ANO4: variants seen among roughly 807,000 people sequenced by gnomAD.
ANO4 encodes anoctamin 4.
A neutral mutation model predicts 141.9 loss-of-function variants in ANO4; 69 were observed. The ratio of observed to expected loss-of-function variants is 0.49; its 90% CI spans 0.40 to 0.59. The LOEUF is 0.59. Ranked by LOEUF, ANO4 falls within the 20% of genes least tolerant of loss-of-function variation. The pLI, the probability that ANO4 is intolerant of heterozygous loss-of-function variation, is 0.00. For missense variants in ANO4, 894 were observed against 1,162.2 expected (o/e 0.77, Z 3.36); for synonymous variants, 350 against 394.3 (o/e 0.89, Z 1.33).
intron 10 of ANO4, among the ~76,000 whole-genome samples, chr12:101,037,371 A>G (rs1042667345): frequency 2.6e-5 from 4 of 152,194 alleles, no homozygotes; most frequent in South Asian, 2.1e-4. Flanking sequence ...ACTTAAATCA[A>G]TAGTCATGCA....
At chr12:100,767,860 TC>T (rs2033151366) in intron 3 of ANO4, among the ~76,000 whole-genome samples, 2 of 152,160 alleles carry the variant, frequency 1.3e-5, no homozygotes, top group South Asian at 4.1e-4. Context: ...CTTTACACTT[TC>T]CCCACCTCAC....
chr12:100,906,447 T>C (rs567959733), intron 2 of ANO4, among the ~76,000 whole-genome samples: 9 of 152,316 alleles, frequency 5.9e-5, no homozygotes, highest in African/African-American at 1.9e-4. Flanking sequence ...TTGTGGCACA[T>C]ATCTTAATAA....
At chr12:101,106,963 T>C (rs943940751) in intron 22 of ANO4, among the ~76,000 whole-genome samples, 1 of 151,852 alleles carries the variant, frequency 6.6e-6, no homozygotes, top group African/African-American at 2.4e-5. Context: ...CTTTGTGCTA[T>C]GTAAAAATGA....
At chr12:100,969,621 C>T (rs571505803) in intron 5 of ANO4, among the ~76,000 whole-genome samples, 11 of 152,082 alleles carry the variant, frequency 7.2e-5, no homozygotes, top group Non-Finnish European at 1.0e-4. Context: ...AACAATTTCC[C>T]GGAGTGCAAA....
Position 101,099,604 on chromosome 12 carries a change from GA to G in ANO4, c.2037del (p.Val680TyrfsTer11), listed in dbSNP as rs1259172615. On this transcript the variant is annotated frameshift_variant, in exon 22 of 28. Transcript: ENST00000392977. LOFTEE classifies it high-confidence loss of function. ...TTAATTCAGAATTGGTGGACTAGAAGAAAAGTACGACAAGAACATGGACCTG... is the reference window on the plus strand; with the variant it reads ...TTAATTCAGAATTGGTGGACTAGAAGAAAGTACGACAAGAACATGGACCTG... Reference protein sequence around the residue: ...YPLIQNWWTRRKVRQEHGPER... With the variant: ...YPLIQNWWTRXKVRQEHGPER... 1 of 1,602,910 alleles carries G rather than the reference GA, an allele frequency of 6.2e-7. No individual in the cohort carries two copies.
At chr12:100,805,033 T>C (rs1325747512) in intron 1 of ANO4, among the ~76,000 whole-genome samples, 1 of 152,254 alleles carries the variant, frequency 6.6e-6, no homozygotes, top group Non-Finnish European at 1.5e-5. Flanking sequence ...CCCATGCCTG[T>C]GTCCTGAATG....
chr12:101,053,896 T>A (rs1042653031), intron 14 of ANO4, among the ~76,000 whole-genome samples: 1 of 152,236 alleles, frequency 6.6e-6, no homozygotes, highest in Non-Finnish European at 1.5e-5. Flanking sequence ...GAAAGCCAAC[T>A]GGAGTTATAA....
At chr12:100,984,019 C>T (rs1296818551) in intron 7 of ANO4, among the ~76,000 whole-genome samples, 1 of 152,110 alleles carries the variant, frequency 6.6e-6, no homozygotes, top group Non-Finnish European at 1.5e-5. Context: ...ATGCCTTGTC[C>T]ACCTGCTTCT....
chr12:101,016,235 CA>C (rs1327350201), intron 8 of ANO4, among the ~76,000 whole-genome samples: 6 of 152,140 alleles, frequency 3.9e-5, no homozygotes, highest in Admixed American at 6.5e-5. Flanking sequence ...GGAAGCATGG[CA>C]CCAGAATCTG....
At chr12:100,951,480 A>G (rs2042967292) in intron 5 of ANO4, among the ~76,000 whole-genome samples, 1 of 152,242 alleles carries the variant, frequency 6.6e-6, no homozygotes, top group Non-Finnish European at 1.5e-5. Flanking sequence ...TAGTACTTAC[A>G]CATCATAGAA....
intron 26 of ANO4, among the ~76,000 whole-genome samples, chr12:101,122,933 G>A (rs916274950): frequency 6.6e-6 from 1 of 152,082 alleles, no homozygotes; most frequent in East Asian, 1.9e-4. Flanking sequence ...AGTAAAATCT[G>A]TCTAGCAATT....
intron 3 of ANO4, among the ~76,000 whole-genome samples, chr12:100,775,668 C>T (rs1468731257): frequency 2.6e-5 from 4 of 152,220 alleles, no homozygotes; most frequent in Middle Eastern, 3.4e-3. Flanking sequence ...AAAGTCTTAA[C>T]GTGTAGCCTG....
Position 100,842,411 on chromosome 12 carries a change from A to G in ANO4, c.-141+47384A>G, listed in dbSNP as rs576566241. Among the ~76,000 whole-genome samples the G allele has an allele frequency of 3.2e-3, 481 of 149,708 alleles. 4 individuals are homozygous for G. The highest frequency in any genetic ancestry group is 0.01 in the African/African-American group (429 of 40,860). On this transcript the variant is annotated intron_variant, in intron 1 of 27. Transcript: ENST00000392977. ...GCTGTTTGCAAGTGTGTGTATGTGT[A>G]TGTGTGTGTGTGTGTGTGCCTGTCT...
At chr12:101,080,223 G>A (rs1350347930) in intron 15 of ANO4, among the ~76,000 whole-genome samples, 1 of 152,140 alleles carries the variant, frequency 6.6e-6, no homozygotes, top group Non-Finnish European at 1.5e-5. Flanking sequence ...GTGAATTTTA[G>A]CCCTGTGGTA....
At chr12:100,919,871 C>G (rs1022722937) in intron 2 of ANO4, among the ~76,000 whole-genome samples, 1 of 151,806 alleles carries the variant, frequency 6.6e-6, no homozygotes, top group African/African-American at 2.4e-5. Context: ...TCTTTGAAGA[C>G]AGAATTTAAT....
intron 1 of ANO4, among the ~76,000 whole-genome samples, chr12:100,834,346 G>A (rs918605003): frequency 6.6e-6 from 1 of 152,116 alleles, no homozygotes; most frequent in Non-Finnish European, 1.5e-5. Context: ...CACAGCAGGA[G>A]ACACAGAAGT....
intron 3 of ANO4, among the ~76,000 whole-genome samples, chr12:100,740,880 G>A (rs183496989): frequency 1.3e-5 from 2 of 152,322 alleles, no homozygotes; most frequent in East Asian, 3.9e-4. Context: ...GTCTATGGCT[G>A]TTTTCACATA....
intron 14 of ANO4, among the ~76,000 whole-genome samples, chr12:101,063,828 A>G (rs1330920144): frequency 9.8e-6 from 1 of 101,846 alleles, no homozygotes; most frequent in South Asian, 3.5e-4. Context: ...TTTGTTTATA[A>G]TATTCTCTTA....
At chr12:100,884,140 T>A (rs2039705086) in intron 1 of ANO4, among the ~76,000 whole-genome samples, 1 of 152,252 alleles carries the variant, frequency 6.6e-6, no homozygotes, top group Non-Finnish European at 1.5e-5. Flanking sequence ...ATGTTGTTTC[T>A]GTTTTTCAAA....
Sources: allele counts gnomAD v4.1 joint callset (sites outside exome capture counted in the v4.1 genomes callset), GRCh38; gene constraint gnomAD v4.1.1; transcripts MANE v1.5; gene names NCBI Gene and HGNC (gene_info 2026-07-23, HGNC 2026-07-21).